Variants in TRIM27 observed in about 807,000 individuals in gnomAD.
The protein encoded by TRIM27 is zinc finger protein RFP.
TRIM27 carries 12 observed loss-of-function variants against 57.6 expected under a neutral mutation model. The ratio of observed to expected loss-of-function variants is 0.21; its 90% CI spans 0.13 to 0.34. The LOEUF is 0.34. Ranked by LOEUF, TRIM27 falls within the 10% of genes least tolerant of loss-of-function variation. The pLI is 1.00. For synonymous variants in TRIM27, 266 were observed against 259.0 expected, an observed-to-expected ratio of 1.03 and a Z score of -0.26; for missense variants, 403 against 656.8, an observed-to-expected ratio of 0.61 and a Z score of 4.22.
chr6:28,915,317 A>G (rs1395104902), intron 3 of TRIM27: 2 of 135,110 alleles, frequency 1.5e-5, no homozygotes, highest in African/African-American at 3.0e-5. Context: ...AAAAAAAAAA[A>G]GAAGCTTTAG....
At position 28,923,348 on chromosome 6, in the gene TRIM27, C is replaced by T. The variant is rs142446307; in HGVS notation, c.285G>A (p.Val95=). 4.1e-4 allele frequency: 656 copies of T among 1,611,840 alleles called. No homozygotes were observed. The highest frequency in any genetic ancestry group is 5.3e-4 in the Non-Finnish European group (620 of 1,179,722). ...TCAGGGGCTCGCGGTGCTTCTCGCA[C>T]ACGCCCATCTCGCCGCCGGGCCCCG... ...RPSGPGGEMG[V]CEKHREPLKL... is the part of the protein sequence containing the mutation. Residue 95 remains valine, a synonymous_variant, in exon 1 of 8, where the codon GTG becomes GTA. Transcript: ENST00000377199.
chr6:28,923,736 CG>C lies in TRIM27; in HGVS notation c.-105del, dbSNP rs369293617. 3,827 of 1,301,012 alleles carry C rather than the reference CG, an allele frequency of 2.9e-3. 85 individuals are homozygous for C. The African/African-American group carries it at 0.045, about 15-fold the overall frequency. The allele number at this position is 1,301,012 out of a possible 1,614,324, so 80.6% of individuals were successfully genotyped here. On this transcript the variant is annotated 5_prime_UTR_variant, in exon 1 of 8. Transcript: ENST00000377199. ...CCGGTTCGCTGTTCCTGAGAGGCAC[CG>C]GGCGGACGGAGGGCGGCGCCTCCCG...
chr6:28,917,617 T>C (rs937652289), intron 3 of TRIM27, among the ~76,000 whole-genome samples: 4 of 151,062 alleles, frequency 2.6e-5, no homozygotes, highest in Non-Finnish European at 4.4e-5. Context: ...CAGGGCAGAA[T>C]GGTTACACTA....
chr6:28,923,772 C>T lies in TRIM27; in HGVS notation c.-140G>A. 1 of 907,456 alleles carries T rather than the reference C, an allele frequency of 1.1e-6. No homozygotes were observed. Among genetic ancestry groups the T allele is most frequent in the South Asian group, 1.8e-5 (1 of 54,614 alleles). 56.2% of individuals were successfully genotyped at this position (907,456 alleles called of 1,614,324 possible). A position where few individuals can be genotyped will look rare whatever the true frequency, so the allele number is the denominator to read the frequency against. On this transcript the variant is annotated 5_prime_UTR_variant, in exon 1 of 8. Coordinates refer to ENST00000377199, the MANE Select transcript of TRIM27 (RefSeq NM_006510.5). ...AGGGCGGCGCCTCCCGGGCCCGTAT[C>T]CCAGACGCGCCCGCGCACCGAAGGC...
In TRIM27 at chr6:28,923,360, G is replaced by A; in HGVS notation, c.273C>T (p.Gly91=). 2 of 1,611,838 alleles carry A rather than the reference G, an allele frequency of 1.2e-6. No individual in the cohort carries two copies. Among genetic ancestry groups the A allele is most frequent in the South Asian group, 2.2e-5 (2 of 91,038 alleles). Residue 91 remains glycine (G), a synonymous_variant, in exon 1 of 8, where the codon GGC becomes GGT. Transcript: ENST00000377199. ...GGTGCTTCTCGCACACGCCCATCTC[G>A]CCGCCGGGCCCCGACGGCCGCTCGG... ...LRTERPSGPG[G]EMGVCEKHRE... is the part of the protein sequence containing the mutation.
chr6:28,919,534 C>T (rs1397354290), intron 3 of TRIM27, among the ~76,000 whole-genome samples: 1 of 152,156 alleles, frequency 6.6e-6, no homozygotes, highest in Non-Finnish European at 1.5e-5. Context: ...AGCTTTATCA[C>T]CTGCTCTACC....
chr6:28,923,642 C>G lies in TRIM27; in HGVS notation c.-10G>C, dbSNP rs1016726757. 3.2e-6 allele frequency: 5 copies of G among 1,554,496 alleles called. No homozygotes were observed. In the African/African-American group the frequency reaches 6.8e-5, roughly 21 times the overall value. ...CACTCCCGGAGGCCATGGCGCCGGC[C>G]TGCGGGGGCGCACGGGCATGGGCCC... On this transcript the variant is annotated 5_prime_UTR_variant, in exon 1 of 8. Transcript: ENST00000377199.
At chr6:28,919,925 GA>G (rs1191770068) in intron 3 of TRIM27, 86 bp downstream of exon 3, 2 of 1,273,264 alleles carry the variant, frequency 1.6e-6, no homozygotes. Context: ...TTAAAAAGAA[GA>G]CAGGGGGTCC....
At chr6:28,909,169 G>A (rs570256281) in intron 4 of TRIM27, 81 bp from the exon 5 acceptor site, 29 of 953,744 alleles carry the variant, frequency 3.0e-5, no homozygotes, top group Non-Finnish European at 4.0e-5. Context: ...GTGCAATGGC[G>A]CCATCTCGGC....
At chr6:28,914,118 C>T (rs1015728549) in intron 3 of TRIM27, among the ~76,000 whole-genome samples, 2 of 146,818 alleles carry the variant, frequency 1.4e-5, no homozygotes, top group Non-Finnish European at 3.0e-5. Context: ...ACCTCTTGGG[C>T]TCTAGTGATC....
At chr6:28,919,564 G>A (rs1326886111) in intron 3 of TRIM27, among the ~76,000 whole-genome samples, 4 of 152,178 alleles carry the variant, frequency 2.6e-5, no homozygotes, top group African/African-American at 9.7e-5. Context: ...TCACAGGACT[G>A]CTCAGGTAAC....
chr6:28,909,013 T>C lies in TRIM27; in HGVS notation c.846A>G (p.Gln282=), dbSNP rs1356051472. 2 of 1,614,020 alleles carry C rather than the reference T, an allele frequency of 1.2e-6. No individual in the cohort carries two copies. Residue 282 remains glutamine (Q), a synonymous_variant, in exon 5 of 8, where the codon CAA becomes CAG. Transcript: ENST00000377199. ...GACTCTCCGTCAAGAATAGACATTT[T>C]TGGGCAAAAATGTGGATTTTCTCTT... ...DLQEKIHIFA[Q]KCLFLTESLK...
At position 28,904,342 on chromosome 6, in the gene TRIM27, T is replaced by C; in HGVS notation, c.1270A>G (p.Met424Val). The change falls in exon 8 of 8, where the codon ATG (methionine) becomes GTG (valine). Residue 424 changes from methionine (M) to valine (V), a missense_variant. Met to Val is a conservative substitution (Grantham distance 21). Transcript: ENST00000377199. The surrounding 1 kb of genome is among the most constrained non-coding windows in gnomAD (Gnocchi z 6.1). ...GGGGTCCGCAGGGGTAGGGCAGTCA[T>C]TGGGGAGGTAAGAGCCCAATATTCT... ...GKEYWALTSP[M>V]TALPLRTPLQ... 5 of 1,613,048 alleles carry C rather than the reference T, an allele frequency of 3.1e-6. No homozygotes were observed. Among genetic ancestry groups the C allele is most frequent in the Non-Finnish European group, 3.4e-6 (4 of 1,180,006 alleles).
chr6:28,906,930 A>G (rs1772809055), intron 7 of TRIM27: 1 of 312,088 alleles, frequency 3.2e-6, no homozygotes, highest in Non-Finnish European at 5.9e-6. Context: ...CTGGGCGGGC[A>G]GAGCAGTGTA....
Position 28,923,410 on chromosome 6 carries a change from T to C in TRIM27, c.223A>G (p.Thr75Ala). The change falls in exon 1 of 8, where the codon ACC (threonine) becomes GCC (alanine). Residue 75 changes from threonine (T) to alanine (A), a missense_variant. By Grantham distance (58) the Thr-to-Ala change is moderately conservative. Transcript: ENST00000377199. ...GTGCGCAGCTGCTTTACCAGTTGGG[T>C]CACGTTGGCCAGGTGCCGGTTGGGC... ...MRPNRHLANV[T>A]QLVKQLRTER... The C allele has an allele frequency of 6.2e-7, 1 of 1,612,228 alleles. No homozygotes were observed.
intron 3 of TRIM27, among the ~76,000 whole-genome samples, chr6:28,917,082 C>T (rs546458941): frequency 6.7e-6 from 1 of 150,124 alleles, no homozygotes; most frequent in African/African-American, 2.5e-5. Flanking sequence ...GTCAAGGCTG[C>T]GGTGAGCCAT....
chr6:28,923,255 G>A lies in TRIM27; in HGVS notation c.378C>T (p.Gly126=), dbSNP rs766790868. Residue 126 remains glycine, a synonymous_variant, in exon 1 of 8, where the codon GGC becomes GGT. Coordinates refer to ENST00000377199, the MANE Select transcript of TRIM27 (RefSeq NM_006510.5). ...CCTCCTCGAGCGGCAGCACGCTGTG[G>A]CCGCGGTGCTCGCGGGAGCGGTCGC... ...VVCDRSREHR[G]HSVLPLEEAV... is the part of the protein sequence containing the mutation. 8 of 1,606,204 alleles carry A rather than the reference G, an allele frequency of 5.0e-6. No homozygotes were observed. The highest frequency in any genetic ancestry group is 5.9e-6 in the Non-Finnish European group (7 of 1,176,604).
rs1428281523 is a variant in TRIM27 at position 28,903,788 on chromosome 6, T to C, written c.*282A>G. The C allele has an allele frequency of 1.1e-5, 5 of 446,588 alleles. No homozygotes were observed. Among genetic ancestry groups the C allele is most frequent in the African/African-American group, 5.8e-5 (3 of 51,488 alleles). 27.7% of individuals were successfully genotyped at this position (446,588 alleles called of 1,614,324 possible). A position where few individuals can be genotyped will look rare whatever the true frequency, so the allele number is the denominator to read the frequency against. On this transcript the variant is annotated 3_prime_UTR_variant, in exon 8 of 8. Transcript: ENST00000377199. The stretch of plus-strand genomic sequence containing the variant: ...GCTCTCCAAATCCAAAGATTATCCA[T>C]ACTCTTTATCCCTCCAGCGATGTGT...
At position 28,911,337 on chromosome 6, in the gene TRIM27, C is replaced by G. The variant is rs573435150; in HGVS notation, c.770+359G>C. 1.8e-4 allele frequency: 28 copies of G among 153,228 alleles called. 1 individual carries two copies. In the South Asian group the frequency reaches 7.7e-3, roughly 42 times the overall value. 9.5% of individuals were successfully genotyped at this position (153,228 alleles called of 1,614,324 possible). On this transcript the variant is annotated intron_variant, in intron 4 of 7. Coordinates refer to ENST00000377199, the MANE Select transcript of TRIM27 (RefSeq NM_006510.5). ...TTCTTAGGCTTTATTTCCCCCATTA[C>G]AGAAAAAAAAAAATGAGATAATGAA... is the stretch of plus-strand genomic sequence containing the variant.
Sources: gnomAD v4.1 joint callset for allele counts (sites outside exome capture counted in the v4.1 genomes callset) on GRCh38, gnomAD v4.1.1 for gene constraint, Gnocchi (gnomAD v3.1) non-coding constraint, MANE v1.5 for transcripts, NCBI Gene and HGNC (gene_info 2026-07-23, HGNC 2026-07-21) for gene names.